The following RPAP2 variants were observed in gnomAD, a reference collection of about 807,000 sequenced individuals.
RPAP2 encodes putative RNA polymerase II subunit B1 CTD phosphatase RPAP2.
RPAP2 carries 52 observed loss-of-function variants against 73.1 expected under a neutral mutation model. The ratio of observed to expected loss-of-function variants is 0.71; its 90% confidence interval spans 0.57 to 0.90. The LOEUF is 0.90. Ranked by LOEUF, RPAP2 falls within the 40% of genes least tolerant of loss-of-function variation. The probability of loss-of-function intolerance (pLI) is 0.00; values close to 1 mark genes in which losing one functional copy is unlikely to be tolerated. For missense variants in RPAP2, 598 were observed against 701.8 expected, an observed-to-expected ratio of 0.85 and a Z score of 1.67; for synonymous variants, 225 against 242.1, an observed-to-expected ratio of 0.93 and a Z score of 0.65.
At chr1:92,333,823 G>C (rs193279853) in intron 9 of RPAP2, among the ~76,000 whole-genome samples, 204 of 152,288 alleles carry the variant, frequency 1.3e-3, no homozygotes, top group Non-Finnish European at 2.1e-3. Flanking sequence ...AGCAGTTTCA[G>C]ATGCAAATAA....
intron 2 of RPAP2, among the ~76,000 whole-genome samples, chr1:92,300,999 A>C (rs1254034699): frequency 6.6e-6 from 1 of 152,226 alleles, no homozygotes; most frequent in Non-Finnish European, 1.5e-5. Context: ...AGGAATAACG[A>C]AGTCTAATTT....
Position 92,398,430 on chromosome 1 carries a change from A to G in RPAP2, c.*11419A>G, listed in dbSNP as rs937337202. On this transcript the variant is annotated 3_prime_UTR_variant, in exon 13 of 13. Coordinates refer to ENST00000610020, the MANE Select transcript of RPAP2 (RefSeq NM_024813.3). ...TATAGTCATGTCCAAAAACCAGTTG[A>G]TCTTCCTACTCATTAGGGGACAAGA... 2.6e-5 allele frequency: 4 copies of G among 152,208 alleles called. No individual in the cohort carries two copies. Among genetic ancestry groups the G allele is most frequent in the African/African-American group, 7.2e-5 (3 of 41,448 alleles). The allele number at this position is 152,208 out of a possible 1,614,324, so 9.4% of individuals were successfully genotyped here.
In RPAP2 at chr1:92,299,155, A is replaced by T; in HGVS notation, c.73+9A>T. 1 of 1,495,712 alleles carries T rather than the reference A, an allele frequency of 6.7e-7. No homozygotes were observed. Among genetic ancestry groups the T allele is most frequent in the Non-Finnish European group, 9.0e-7 (1 of 1,114,482 alleles). The allele number at this position is 1,495,712 out of a possible 1,614,324, so 92.7% of individuals were successfully genotyped here. On this transcript the variant is annotated intron_variant, in intron 1 of 12. Transcript: ENST00000610020. The stretch of plus-strand genomic sequence containing the variant: ...CTCTCGAAAAGCCGCAGGTAGGAGC[A>T]AGGATCTCTTCCCACTTTTGGACCC...
rs1292910337 is a variant in RPAP2, at chr1:92,394,927, C to G, written c.*7916C>G. ...TGATCCAGAACTTACTACAAAGCTA[C>G]ATTAATCAAGACAGTGTGGTACTGA... On this transcript the variant is annotated 3_prime_UTR_variant, in exon 13 of 13. Transcript: ENST00000610020. 1 of 152,132 alleles carries G rather than the reference C, an allele frequency of 6.6e-6. No individual in the cohort carries two copies. Among genetic ancestry groups the G allele is most frequent in the Non-Finnish European group, 1.5e-5 (1 of 68,040 alleles). 9.4% of individuals were successfully genotyped at this position (152,132 alleles called of 1,614,324 possible).
At chr1:92,373,733 TAAAAATAAA>T (rs1252453806) in intron 11 of RPAP2, among the ~76,000 whole-genome samples, 13 of 40,890 alleles carry the variant, frequency 3.2e-4, no homozygotes, top group Admixed American at 1.1e-3. Flanking sequence ...CCGTCTCTAC[TAAAAATAAA>T]AAAAAAAAAA....
chr1:92,377,745 A>T (rs925627440), intron 11 of RPAP2, among the ~76,000 whole-genome samples: 1 of 152,140 alleles, frequency 6.6e-6, no homozygotes, highest in Non-Finnish European at 1.5e-5. Flanking sequence ...ATGTAGTGGG[A>T]TTATGTCCTT....
chr1:92,382,968 G>A (rs1440645170), intron 12 of RPAP2, among the ~76,000 whole-genome samples: 1 of 152,152 alleles, frequency 6.6e-6, no homozygotes, highest in Non-Finnish European at 1.5e-5. Context: ...AAGGGATCCA[G>A]TTTCAGCCTT....
In RPAP2 at chr1:92,395,043, A is replaced by G. The variant is rs187294344; in HGVS notation, c.*8032A>G. 1.3e-5 allele frequency: 2 copies of G among 152,354 alleles called. No individual in the cohort carries two copies. Among genetic ancestry groups the G allele is most frequent in the Admixed American group, 1.3e-4 (2 of 15,298 alleles). 9.4% of individuals were successfully genotyped at this position (152,354 alleles called of 1,614,324 possible). On this transcript the variant is annotated 3_prime_UTR_variant, in exon 13 of 13. Coordinates refer to ENST00000610020, the MANE Select transcript of RPAP2 (RefSeq NM_024813.3). ...TTAAGTTTTGACAAAAATCCCAATG[A>G]AATTATGGAGAAAAGATGGTCTTTT...
At position 92,304,267 on chromosome 1, in the gene RPAP2, T is replaced by C. The variant is rs765558640; in HGVS notation, c.334-17T>C. ...ATTATTTGGATTCTTTTGTAAGCTG[T>C]ACTTTCTTTTCTTTAGGTACCAAAA... On this transcript the variant is annotated splice_polypyrimidine_tract_variant and intron_variant, in intron 4 of 12. Transcript: ENST00000610020. 2.8e-6 allele frequency: 4 copies of C among 1,410,446 alleles called. No individual in the cohort carries two copies. The highest frequency in any genetic ancestry group is 4.0e-6 in the Non-Finnish European group (4 of 1,006,336). 87.4% of individuals were successfully genotyped at this position (1,410,446 alleles called of 1,614,324 possible).
intron 6 of RPAP2, among the ~76,000 whole-genome samples, chr1:92,319,748 C>T (rs1163846227): frequency 1.3e-5 from 2 of 152,168 alleles, no homozygotes; most frequent in Admixed American, 6.5e-5. Flanking sequence ...CCTATAATCC[C>T]AGCACTTTGG....
chr1:92,382,865 T>C (rs1270497477), intron 12 of RPAP2, among the ~76,000 whole-genome samples: 2 of 152,042 alleles, frequency 1.3e-5, no homozygotes, highest in African/African-American at 4.8e-5. Flanking sequence ...CTGAATGGTA[T>C]TGCCTAGGTT....
At chr1:92,299,395 A>G (rs1442994870) in intron 1 of RPAP2, among the ~76,000 whole-genome samples, 3 of 152,090 alleles carry the variant, frequency 2.0e-5, no homozygotes, top group Admixed American at 2.0e-4. Flanking sequence ...CTCTGAGACA[A>G]AGGACAGTGG....
Position 92,400,610 on chromosome 1 carries a change from C to CAGGT in RPAP2, c.*13600_*13603dup, listed in dbSNP as rs1351333789. 5.9e-5 allele frequency: 9 copies of CAGGT among 152,368 alleles called. No individual in the cohort carries two copies. The highest frequency in any genetic ancestry group is 2.2e-4 in the African/African-American group (9 of 41,570). The allele number at this position is 152,368 out of a possible 1,614,324, so 9.4% of individuals were successfully genotyped here. A position where few individuals can be genotyped will look rare whatever the true frequency, so the allele number is the denominator to read the frequency against. On this transcript the variant is annotated 3_prime_UTR_variant, in exon 13 of 13. Coordinates refer to ENST00000610020, the MANE Select transcript of RPAP2 (RefSeq NM_024813.3). ...TTGGCCTCCCAAAGTGCTGAGCTTA[C>CAGGT]AGGTGTCAACCACTGTGGCCAGCCA...
At chr1:92,379,692 T>C (rs1392279861) in intron 11 of RPAP2, among the ~76,000 whole-genome samples, 1 of 151,162 alleles carries the variant, frequency 6.6e-6, no homozygotes, top group Non-Finnish European at 1.5e-5. Flanking sequence ...CCCAGCACTT[T>C]GGGAGGCCAA....
intron 11 of RPAP2, among the ~76,000 whole-genome samples, chr1:92,353,217 G>T (rs1017992010): frequency 4.6e-5 from 7 of 152,190 alleles, no homozygotes; most frequent in East Asian, 1.9e-4. Context: ...CCTAGGAGTA[G>T]AATTGCTGGG....
chr1:92,321,381 C>T (rs1344644005), intron 7 of RPAP2, among the ~76,000 whole-genome samples: 3 of 152,146 alleles, frequency 2.0e-5, no homozygotes, highest in Non-Finnish European at 4.4e-5. Flanking sequence ...AGGCTAGATT[C>T]TAACTAAAAG....
chr1:92,318,556 A>G (rs1343862596), intron 6 of RPAP2, among the ~76,000 whole-genome samples: 2 of 152,134 alleles, frequency 1.3e-5, no homozygotes, highest in Non-Finnish European at 2.9e-5. Flanking sequence ...ACCACCAACC[A>G]TAGTAGATAG....
chr1:92,352,070 A>G (rs1234802385), intron 11 of RPAP2, among the ~76,000 whole-genome samples: 1 of 152,224 alleles, frequency 6.6e-6, no homozygotes. Flanking sequence ...GATACATGCT[A>G]TTCCTAGTTC....
At chr1:92,331,391 A>G (rs986840542) in intron 8 of RPAP2, among the ~76,000 whole-genome samples, 5 of 152,030 alleles carry the variant, frequency 3.3e-5, no homozygotes, top group Admixed American at 3.3e-4. Flanking sequence ...TCCTCTTTCT[A>G]TGTGTCCCAC....
Sources: allele counts gnomAD v4.1 joint callset (sites outside exome capture counted in the v4.1 genomes callset), GRCh38; gene constraint gnomAD v4.1.1; transcripts MANE v1.5; gene names NCBI Gene and HGNC (gene_info 2026-07-23, HGNC 2026-07-21).